SLC33A2: variants seen among roughly 807,000 people sequenced by gnomAD.
SLC33A2 encodes the protein solute carrier family 33 member 2.
At chr8:144,509,687 C>A in the SLC33A2 span, 6 of 1,561,076 alleles carry the variant, frequency 3.8e-6, no homozygotes, top group African/African-American at 6.8e-5. Flanking sequence ...AGGATGTGGC[C>A]CTGGACGCGC....
chr8:144,510,089 G>C, the SLC33A2 span: 1 of 1,501,302 alleles, frequency 6.7e-7, no homozygotes, highest in Non-Finnish European at 8.9e-7. Context: ...CCAGGGGCTT[G>C]CAACCCATTA....
At chr8:144,509,189 C>G in the SLC33A2 span, 3 of 823,294 alleles carry the variant, frequency 3.6e-6, no homozygotes, top group African/African-American at 1.8e-5. Flanking sequence ...TGTCCAGACC[C>G]TAGCCTGTAC....
chr8:144,509,232 C>T, the SLC33A2 span: 1 of 1,223,026 alleles, frequency 8.2e-7, no homozygotes, highest in Admixed American at 3.1e-5. Context: ...AGAACCAAAG[C>T]CATGCCGGGG....
the SLC33A2 span, chr8:144,509,467 T>G: frequency 2.6e-6 from 4 of 1,536,324 alleles, no homozygotes; most frequent in Non-Finnish European, 3.5e-6. Flanking sequence ...CTGGCCAAGG[T>G]TCTGTACGCT....
chr8:144,509,141 C>G, the SLC33A2 span: 4 of 544,930 alleles, frequency 7.3e-6, no homozygotes, highest in East Asian at 1.4e-4. Context: ...GACTTCGGTT[C>G]TTCTGGGGTG....
At chr8:144,509,406 C>T in the SLC33A2 span, 2 of 1,527,828 alleles carry the variant, frequency 1.3e-6, no homozygotes, top group East Asian at 2.5e-5. Flanking sequence ...CCAGTCCGGC[C>T]TCCTGCCAGT....
the SLC33A2 span, chr8:144,510,619 G>A: frequency 9.1e-4 from 1,434 of 1,576,240 alleles, 6 homozygotes; most frequent in African/African-American, 0.017. Context: ...CTCTGTTGAG[G>A]TCGGTGCTGC....
chr8:144,510,576 C>G, the SLC33A2 span: 1 of 1,594,790 alleles, frequency 6.3e-7, no homozygotes, highest in East Asian at 2.2e-5. Context: ...CTATACTGAC[C>G]CATTTCCCAC....
At chr8:144,510,745 G>A in the SLC33A2 span, 1 of 1,603,940 alleles carries the variant, frequency 6.2e-7, no homozygotes, top group Non-Finnish European at 8.5e-7. Flanking sequence ...CCTTGAGGAG[G>A]AAGAGAGGGG....
chr8:144,509,613 C>T, the SLC33A2 span: 8 of 1,555,490 alleles, frequency 5.1e-6, no homozygotes, highest in African/African-American at 9.5e-5. Context: ...TGGAGCTGGC[C>T]AGGCCGGGCT....
the SLC33A2 span, chr8:144,510,927 A>C: frequency 6.2e-7 from 1 of 1,600,750 alleles, no homozygotes; most frequent in Non-Finnish European, 8.5e-7. Context: ...GCAGGGACAC[A>C]AGAGAGACCA....
At chr8:144,510,532 C>T in the SLC33A2 span, 4 of 1,611,980 alleles carry the variant, frequency 2.5e-6, no homozygotes, top group Admixed American at 6.7e-5. Context: ...GTGTACCCTG[C>T]CCACCCACTT....
At chr8:144,509,543 G>GAC in the SLC33A2 span, 3 of 1,521,660 alleles carry the variant, frequency 2.0e-6, no homozygotes, top group Non-Finnish European at 2.6e-6. Context: ...GGGCCTGGGT[G>GAC]ACGCGCAGCA....
the SLC33A2 span, chr8:144,511,060 G>C: frequency 6.2e-7 from 1 of 1,607,156 alleles, no homozygotes; most frequent in Non-Finnish European, 8.5e-7. Flanking sequence ...TCTGGCCGGA[G>C]GCCTGGCTGA....
At chr8:144,510,928 A>G in the SLC33A2 span, 2 of 1,600,810 alleles carry the variant, frequency 1.2e-6, no homozygotes, top group Non-Finnish European at 1.7e-6. Flanking sequence ...CAGGGACACA[A>G]GAGAGACCAC....
chr8:144,511,140 C>G, the SLC33A2 span: 1 of 1,610,538 alleles, frequency 6.2e-7, no homozygotes, highest in Non-Finnish European at 8.5e-7. Context: ...TGTACCTGGA[C>G]CTAGCACCCA....
At chr8:144,509,332 C>T in the SLC33A2 span, 1 of 1,460,470 alleles carries the variant, frequency 6.8e-7, no homozygotes, top group African/African-American at 1.5e-5. Flanking sequence ...GCCTGAGCCG[C>T]CATGCGCGGG....
At chr8:144,509,609 T>C in the SLC33A2 span, 1 of 1,552,142 alleles carries the variant, frequency 6.4e-7, no homozygotes, top group Non-Finnish European at 8.7e-7. Flanking sequence ...CTCCTGGAGC[T>C]GGCCAGGCCG....
chr8:144,509,353 C>G, the SLC33A2 span: 1 of 1,472,884 alleles, frequency 6.8e-7, no homozygotes, highest in South Asian at 1.3e-5. Flanking sequence ...AAGTTGCTGC[C>G]GCTGGCCGGC....
Sources: allele counts gnomAD v4.1 joint callset, GRCh38; gene constraint gnomAD v4.1.1; transcripts MANE v1.5; gene names NCBI Gene and HGNC (gene_info 2026-07-23, HGNC 2026-07-21).